Variants in ATP5MC2 observed in about 807,000 individuals in gnomAD.
ATP5MC2 encodes ATP synthase membrane subunit c locus 2, also known as ATP synthase F(0) complex subunit C2, mitochondrial.
A neutral mutation model predicts 13.5 loss-of-function variants in ATP5MC2; 11 were observed. That is an observed-to-expected ratio of 0.81 (90% CI 0.51 to 1.35). The LOEUF (loss-of-function observed/expected upper bound fraction) is 1.35, where lower values mean the gene tolerates loss of function less well. Among genes scored for constraint, ATP5MC2 ranks in the 40% most tolerant of loss-of-function variants. The pLI, the probability that ATP5MC2 is intolerant of heterozygous loss-of-function variation, is 0.00. For synonymous variants in ATP5MC2, 64 were observed against 69.7 expected (o/e 0.92, Z 0.41); for missense variants, 132 against 175.0 (o/e 0.75, Z 1.39).
chr12:53,678,649 C>A (rs948060534), upstream of ATP5MC2, among the ~76,000 whole-genome samples: 3 of 152,100 alleles, frequency 2.0e-5, no homozygotes, highest in African/African-American at 7.2e-5. Flanking sequence ...AGCAGTGAGG[C>A]TCCAAAAAGG....
chr12:53,676,462 G>A (rs193256885), upstream of ATP5MC2: 13 of 404,354 alleles, frequency 3.2e-5, no homozygotes, highest in South Asian at 4.1e-4. Context: ...GGGGTTCAGT[G>A]CCTAAAATGC....
chr12:53,676,807 C>G (rs1593061538), upstream of ATP5MC2: 4 of 152,738 alleles, frequency 2.6e-5, no homozygotes, highest in Admixed American at 2.6e-4. Context: ...GTTTCAACTA[C>G]GCGAGTTGGG....
At chr12:53,670,914 C>A (rs191697043) in intron 2 of ATP5MC2, among the ~76,000 whole-genome samples, 1 of 151,950 alleles carries the variant, frequency 6.6e-6, no homozygotes, top group Non-Finnish European at 1.5e-5. Context: ...TGAGCCACCA[C>A]GCCCAGCCCG....
intron 2 of ATP5MC2, 88 bp downstream of exon 2, chr12:53,672,488 C>T (rs779236545): frequency 2.5e-5 from 34 of 1,382,606 alleles, no homozygotes; most frequent in Non-Finnish European, 3.4e-5. Flanking sequence ...TCCTCTCCCC[C>T]AGCCTTGCTG....
At chr12:53,679,479 T>A (rs905068960), upstream of ATP5MC2, among the ~76,000 whole-genome samples, 1 of 152,242 alleles carries the variant, frequency 6.6e-6, no homozygotes, top group African/African-American at 2.4e-5. Context: ...CTAGCCCTGC[T>A]ACTAAATAGT....
At position 53,676,032 on chromosome 12, in the gene ATP5MC2, C is replaced by T. The variant is rs747476872; in HGVS notation, c.-32+21G>A. ...GCGCGCGTGCGCAGCGCACAGAGGGCTCTAGGTCCCAAGGCCTTACCTGCT... is the reference window on the plus strand; with the variant it reads ...GCGCGCGTGCGCAGCGCACAGAGGGTTCTAGGTCCCAAGGCCTTACCTGCT... On this transcript the variant is annotated intron_variant, in intron 1 of 4. Transcript: ENST00000394349. 3.7e-6 allele frequency: 6 copies of T among 1,611,448 alleles called. No homozygotes were observed. The Admixed American group carries it at 5.0e-5, about 14-fold the overall frequency.
intron 3 of ATP5MC2, 33 bp from the exon 4 acceptor site, chr12:53,669,374 T>C (rs1945027315): frequency 1.9e-6 from 3 of 1,593,158 alleles, no homozygotes; most frequent in Non-Finnish European, 1.7e-6. Flanking sequence ...AGGTAAAGTT[T>C]TTTGCTTTGG....
At chr12:53,667,001 G>A (rs892299886) in intron 4 of ATP5MC2, among the ~76,000 whole-genome samples, 22 of 151,060 alleles carry the variant, frequency 1.5e-4, no homozygotes, top group African/African-American at 4.1e-4. Context: ...AGTTGAAGTA[G>A]TATGGATAAA....
chr12:53,668,976 C>A (rs1393198780), intron 4 of ATP5MC2, among the ~76,000 whole-genome samples, 172 bp downstream of exon 4: 1 of 152,120 alleles, frequency 6.6e-6, no homozygotes, highest in Non-Finnish European at 1.5e-5. Context: ...TGAGATTGCG[C>A]CACTGCACTC....
chr12:53,676,336 G>C (rs188965205), upstream of ATP5MC2: 1 of 1,253,216 alleles, frequency 8.0e-7, no homozygotes, highest in Non-Finnish European at 1.1e-6. Flanking sequence ...ACTGCGGTTT[G>C]GTCTGTACCG....
chr12:53,681,357 C>G (rs1011233205), upstream of ATP5MC2, among the ~76,000 whole-genome samples: 4 of 151,342 alleles, frequency 2.6e-5, no homozygotes, highest in Non-Finnish European at 4.4e-5. Context: ...GAAACCCCAT[C>G]TCTACTAAAA....
intron 1 of ATP5MC2, among the ~76,000 whole-genome samples, 172 bp downstream of exon 1, chr12:53,675,881 G>A (rs552073516): frequency 3.6e-4 from 55 of 152,344 alleles, no homozygotes; most frequent in African/African-American, 1.2e-3. Context: ...GCGGTTGGAG[G>A]TCACCGGCAC....
rs1388511457 is a variant in ATP5MC2, at chr12:53,665,486, A to C, written c.312-58T>G. 2.2e-6 allele frequency: 3 copies of C among 1,348,158 alleles called. No individual in the cohort carries two copies. The Admixed American group carries it at 5.2e-5, about 23-fold the overall frequency. 83.5% of individuals were successfully genotyped at this position (1,348,158 alleles called of 1,614,324 possible). On this transcript the variant is annotated intron_variant, in intron 4 of 4. Coordinates refer to ENST00000394349, the MANE Select transcript of ATP5MC2 (RefSeq NM_005176.7). ...CTAGTTCACACAAAGAAAAGGATAA[A>C]TATCTAAGATGGGCTCAGGGAGAAT...
upstream of ATP5MC2, among the ~76,000 whole-genome samples, chr12:53,678,670 G>A (rs560376500): frequency 1.3e-5 from 2 of 152,328 alleles, no homozygotes; most frequent in Admixed American, 1.3e-4. Context: ...AGGTTTGTAA[G>A]GGGAGGGGTG....
intron 1 of ATP5MC2, chr12:53,673,778 G>A (rs540867660): frequency 7.0e-4 from 121 of 171,674 alleles, no homozygotes; most frequent in Non-Finnish European, 8.9e-4. Flanking sequence ...CCAAGATTGC[G>A]CCATTGTACT....
intron 1 of ATP5MC2, among the ~76,000 whole-genome samples, chr12:53,675,793 C>T (rs1351722196): frequency 6.6e-6 from 1 of 152,216 alleles, no homozygotes; most frequent in Admixed American, 6.5e-5. Flanking sequence ...AGGTGAAAAG[C>T]AGCACTCCAG....
At chr12:53,667,980 T>C (rs1459162925) in intron 4 of ATP5MC2, among the ~76,000 whole-genome samples, 5 of 62,130 alleles carry the variant, frequency 8.0e-5, no homozygotes, top group Admixed American at 1.8e-4. Context: ...TATATATATA[T>C]ATATATATAT....
At chr12:53,675,487 C>T (rs1266791518) in intron 1 of ATP5MC2, among the ~76,000 whole-genome samples, 1 of 152,202 alleles carries the variant, frequency 6.6e-6, no homozygotes, top group African/African-American at 2.4e-5. Flanking sequence ...TATCCCAAGC[C>T]ACAACCTAAC....
chr12:53,668,443 A>G (rs1400924705), intron 4 of ATP5MC2, among the ~76,000 whole-genome samples: 2 of 151,458 alleles, frequency 1.3e-5, no homozygotes, highest in African/African-American at 4.9e-5. Flanking sequence ...AGCTGGGATT[A>G]TAGGTGCACG....
Sources: allele counts gnomAD v4.1 joint callset (sites outside exome capture counted in the v4.1 genomes callset), GRCh38; gene constraint gnomAD v4.1.1; transcripts MANE v1.5; gene names NCBI Gene and HGNC (gene_info 2026-07-23, HGNC 2026-07-21).